ADORA2B: variants seen among roughly 807,000 people sequenced by gnomAD.
ADORA2B encodes the protein adenosine A2b receptor.
ADORA2B carries 18 observed loss-of-function variants against 20.8 expected under a neutral mutation model. The ratio of observed to expected loss-of-function variants is 0.87; its 90% CI spans 0.60 to 1.29. ADORA2B has a LOEUF of 1.29. Among genes scored for constraint, ADORA2B ranks in the 50% most tolerant of loss-of-function variants. The pLI is 0.00. For synonymous variants in ADORA2B, 179 were observed against 178.3 expected (o/e 1.00, Z -0.03); for missense variants, 441 against 422.7 (o/e 1.04, Z -0.38).
chr17:15,955,742 G>A (rs1253286024), intron 1 of ADORA2B, among the ~76,000 whole-genome samples: 1 of 136,940 alleles, frequency 7.3e-6, no homozygotes, highest in Non-Finnish European at 1.5e-5. Context: ...TTTTTGAGAT[G>A]GAATCTTGTT....
chr17:15,879,687 A>G, the ADORA2B span, among the ~76,000 whole-genome samples: 42,582 of 143,456 alleles, frequency 0.3, 6,747 homozygotes, highest in African/African-American at 0.37. Context: ...ACAGGCGCCC[A>G]CCACCACGCC....
At chr17:15,923,404 TA>T in the ADORA2B span, among the ~76,000 whole-genome samples, 2,166 of 139,378 alleles carry the variant, frequency 0.016, 67 homozygotes, top group African/African-American at 0.059. Context: ...TATATATATA[TA>T]TATTTTTTTT....
At chr17:15,970,680 TCA>T (rs1970180400) in intron 1 of ADORA2B, among the ~76,000 whole-genome samples, 1 of 152,216 alleles carries the variant, frequency 6.6e-6, no homozygotes, top group Non-Finnish European at 1.5e-5. Flanking sequence ...ACGGAGTACC[TCA>T]CAGTGTTATC....
the ADORA2B span, among the ~76,000 whole-genome samples, chr17:15,859,772 C>G: frequency 6.6e-6 from 1 of 152,030 alleles, no homozygotes; most frequent in Admixed American, 6.6e-5. Context: ...GGCAACATAG[C>G]GAAACTCCAT....
the ADORA2B span, among the ~76,000 whole-genome samples, chr17:15,878,061 G>A: frequency 6.6e-6 from 1 of 152,054 alleles, no homozygotes; most frequent in Admixed American, 6.6e-5. Flanking sequence ...GAGACTGTGA[G>A]TGCATGCGTT....
chr17:15,867,800 G>A, the ADORA2B span, among the ~76,000 whole-genome samples: 3 of 144,754 alleles, frequency 2.1e-5, no homozygotes, highest in African/African-American at 5.2e-5. Flanking sequence ...GGTGAGGGGC[G>A]CCTCTGCCCG....
the ADORA2B span, among the ~76,000 whole-genome samples, chr17:15,912,652 C>A: frequency 6.6e-6 from 1 of 152,210 alleles, no homozygotes; most frequent in African/African-American, 2.4e-5. Flanking sequence ...CATCTGATCA[C>A]CTGCAGCTGT....
At chr17:15,904,621 C>T in the ADORA2B span, among the ~76,000 whole-genome samples, 1 of 152,100 alleles carries the variant, frequency 6.6e-6, no homozygotes, top group South Asian at 2.1e-4. Flanking sequence ...CATGATCTGC[C>T]CACCTCGGCC....
the ADORA2B span, among the ~76,000 whole-genome samples, chr17:15,865,811 T>C: frequency 6.6e-6 from 1 of 151,430 alleles, no homozygotes; most frequent in African/African-American, 2.4e-5. Flanking sequence ...TTTTAAAAAC[T>C]ATGTAATTTT....
chr17:15,968,779 A>T (rs1310068592), intron 1 of ADORA2B, among the ~76,000 whole-genome samples: 1 of 152,064 alleles, frequency 6.6e-6, no homozygotes, highest in Admixed American at 6.6e-5. Context: ...AGCAGCTCTC[A>T]CCTCAGGAGG....
At chr17:15,959,789 C>T (rs1193583153) in intron 1 of ADORA2B, among the ~76,000 whole-genome samples, 1 of 152,238 alleles carries the variant, frequency 6.6e-6, no homozygotes, top group Non-Finnish European at 1.5e-5. Context: ...GCATGAGCCA[C>T]TGTGCCTAGC....
intron 1 of ADORA2B, among the ~76,000 whole-genome samples, chr17:15,946,036 C>T (rs1263081556): frequency 6.6e-6 from 1 of 152,132 alleles, no homozygotes; most frequent in Non-Finnish European, 1.5e-5. Context: ...CTGCGGCTCC[C>T]GGAGGCCCGG....
upstream of ADORA2B, among the ~76,000 whole-genome samples, chr17:15,941,728 CA>C (rs750541311): frequency 0.053 from 4,616 of 87,304 alleles, 92 homozygotes; most frequent in African/African-American, 0.077. Flanking sequence ...ACTCTTGTTT[CA>C]AAAAAAAAAA....
the ADORA2B span, among the ~76,000 whole-genome samples, chr17:15,873,471 G>GA: frequency 6.6e-6 from 1 of 152,080 alleles, no homozygotes; most frequent in Non-Finnish European, 1.5e-5. Context: ...CAGAATGGGA[G>GA]AAAATATTTG....
At chr17:15,857,871 CTT>C in the ADORA2B span, among the ~76,000 whole-genome samples, 1 of 151,904 alleles carries the variant, frequency 6.6e-6, no homozygotes, top group Non-Finnish European at 1.5e-5. Context: ...GCTTCTTTGA[CTT>C]AGCATAATGT....
the ADORA2B span, among the ~76,000 whole-genome samples, chr17:15,898,922 C>G: frequency 3.3e-5 from 5 of 151,848 alleles, no homozygotes; most frequent in Non-Finnish European, 7.4e-5. Context: ...TTTTCAATAC[C>G]GTGATGTGGA....
intron 1 of ADORA2B, among the ~76,000 whole-genome samples, chr17:15,945,787 G>A (rs1360770484): frequency 1.3e-5 from 2 of 152,170 alleles, no homozygotes; most frequent in Non-Finnish European, 2.9e-5. Context: ...CCAGATGCGC[G>A]TCGCTCTAAG....
chr17:15,863,554 A>G, the ADORA2B span, among the ~76,000 whole-genome samples: 5 of 151,968 alleles, frequency 3.3e-5, no homozygotes, highest in East Asian at 3.9e-4. Context: ...AGGTCTCACT[A>G]TGTTTCTCAG....
chr17:15,955,305 A>G (rs561213250), intron 1 of ADORA2B, among the ~76,000 whole-genome samples: 9 of 152,300 alleles, frequency 5.9e-5, no homozygotes, highest in Non-Finnish European at 1.2e-4. Flanking sequence ...CCCTGGGACA[A>G]ATCCCCTGTG....
Sources: allele counts gnomAD v4.1 joint callset (sites outside exome capture counted in the v4.1 genomes callset), GRCh38; gene constraint gnomAD v4.1.1; transcripts MANE v1.5; gene names NCBI Gene and HGNC (gene_info 2026-07-23, HGNC 2026-07-21).